PLEKHA2: variants seen among roughly 807,000 people sequenced by gnomAD.
The protein encoded by PLEKHA2 is pleckstrin homology domain containing A2, also known as pleckstrin homology domain-containing family A member 2.
In PLEKHA2, 28 loss-of-function variants were observed where a neutral mutation model predicts 53.2. That is an observed-to-expected ratio of 0.53 (90% CI 0.39 to 0.72). PLEKHA2 has a LOEUF of 0.72. Ranked by LOEUF, PLEKHA2 falls within the 30% of genes least tolerant of loss-of-function variation. The pLI is 0.00. For synonymous variants in PLEKHA2, 193 were observed against 196.4 expected, an observed-to-expected ratio of 0.98 and a Z score of 0.14; for missense variants, 426 against 537.9, an observed-to-expected ratio of 0.79 and a Z score of 2.06.
At chr8:38,929,597 C>A (rs1192454460) in intron 2 of PLEKHA2, among the ~76,000 whole-genome samples, 1 of 152,232 alleles carries the variant, frequency 6.6e-6, no homozygotes, top group Non-Finnish European at 1.5e-5. Flanking sequence ...TTAGTTTCTT[C>A]ATCTGTGAAA....
intron 1 of PLEKHA2, among the ~76,000 whole-genome samples, chr8:38,910,770 T>TATAACCTTC (rs1391693997): frequency 1.3e-5 from 2 of 152,214 alleles, no homozygotes; most frequent in African/African-American, 4.8e-5. Context: ...AAAAATTGGA[T>TATAACCTTC]ATAACCTTCA....
rs150722357 is a variant in PLEKHA2 at position 38,969,941 on chromosome 8, CTG to C, written c.*194_*195del. The stretch of plus-strand genomic sequence containing the variant: ...GGAGGGAGGGGCCCATCCAGCTGGG[CTG>C]TGTGTGTGTGTGTGTGTGTGTGTGT... On this transcript the variant is annotated 3_prime_UTR_variant, in exon 12 of 12. Transcript: ENST00000617275. 0.1 allele frequency: 68,275 copies of C among 683,756 alleles called. 227 individuals are homozygous for C. Among genetic ancestry groups the C allele is most frequent in the South Asian group, 0.14 (6,454 of 46,916 alleles). The allele number at this position is 683,756 out of a possible 1,614,324, so 42.4% of individuals were successfully genotyped here.
chr8:38,912,146 C>G (rs753293564), intron 1 of PLEKHA2, among the ~76,000 whole-genome samples: 2 of 151,992 alleles, frequency 1.3e-5, no homozygotes, highest in Non-Finnish European at 2.9e-5. Flanking sequence ...ACTAAAAATA[C>G]AAAAATTAGC....
rs541145352 is a variant in PLEKHA2, at chr8:38,969,644, C to T, written c.1139C>T (p.Thr380Met). 7.8e-5 allele frequency: 124 copies of T among 1,599,552 alleles called. No individual in the cohort carries two copies. The South Asian group carries it at 9.8e-4, about 13-fold the overall frequency. Residue 380 changes from threonine (T) to methionine (M), a missense_variant, in exon 12 of 12, where the codon ACG (threonine) becomes ATG (methionine). Thr to Met is a moderately conservative substitution (Grantham distance 81). Coordinates refer to ENST00000617275, the MANE Select transcript of PLEKHA2 (RefSeq NM_021623.2). Reference protein sequence around the residue: ...PGDTSEDSLFTPRPGEGSAPG... With the variant: ...PGDTSEDSLFMPRPGEGSAPG... ...GACACTTCAGAGGACTCCTTGTTCA[C>T]GCCTCGTCCTGGGGAGGGCAGCGCT...
At chr8:38,968,496 T>C in intron 10 of PLEKHA2, 96 bp from the exon 11 acceptor site, 1 of 1,161,060 alleles carries the variant, frequency 8.6e-7, no homozygotes, top group Non-Finnish European at 1.3e-6. Context: ...CTACCCCTAA[T>C]GGTGTAATTT....
intron 6 of PLEKHA2, 112 bp downstream of exon 6, chr8:38,951,102 G>A (rs558037682): frequency 9.1e-6 from 6 of 660,450 alleles, no homozygotes; most frequent in South Asian, 6.2e-5. Flanking sequence ...GGAGTGGGGG[G>A]CAGCTGGTGC....
At chr8:38,964,205 A>G (rs1326359333) in intron 10 of PLEKHA2, among the ~76,000 whole-genome samples, 4 of 152,196 alleles carry the variant, frequency 2.6e-5, no homozygotes, top group Admixed American at 2.6e-4. Flanking sequence ...GAGTAGCAGC[A>G]TTATTCATAT....
At position 38,916,035 on chromosome 8, in the gene PLEKHA2, G is replaced by A. The variant is rs370909797; in HGVS notation, c.-23-1872G>A. Among the ~76,000 whole-genome samples, 4 of 152,230 alleles carry A rather than the reference G, an allele frequency of 2.6e-5. No individual in the cohort carries two copies. In the South Asian group the frequency reaches 8.3e-4, roughly 32 times the overall value. On this transcript the variant is annotated intron_variant, in intron 1 of 11. Coordinates refer to ENST00000617275, the MANE Select transcript of PLEKHA2 (RefSeq NM_021623.2). ...TTGTTGCCCAGGCTGGAGTGCAATG[G>A]TGTGATCTCGTCTCACTATAACCTC...
intron 2 of PLEKHA2, among the ~76,000 whole-genome samples, chr8:38,921,268 T>TTAG (rs1251955783): frequency 6.6e-6 from 1 of 152,242 alleles, no homozygotes; most frequent in Non-Finnish European, 1.5e-5. Flanking sequence ...ACCTGCTGTG[T>TTAG]TAGTGCAAGT....
intron 8 of PLEKHA2, 64 bp downstream of exon 8, chr8:38,952,768 C>T: frequency 2.0e-6 from 3 of 1,500,308 alleles, no homozygotes; most frequent in South Asian, 2.3e-5. Context: ...TAGGTGCACA[C>T]CCACAGGAGA....
intron 10 of PLEKHA2, among the ~76,000 whole-genome samples, chr8:38,962,794 G>A (rs866271692): frequency 6.6e-6 from 1 of 152,248 alleles, no homozygotes; most frequent in Non-Finnish European, 1.5e-5. Context: ...CAGGACAAGA[G>A]TAGCAATAAG....
chr8:38,923,645 T>G (rs1834232666), intron 2 of PLEKHA2, among the ~76,000 whole-genome samples: 1 of 152,202 alleles, frequency 6.6e-6, no homozygotes, highest in Admixed American at 6.5e-5. Context: ...TGTGGCTACT[T>G]CAGTGAACAA....
Position 38,954,527 on chromosome 8 carries a change from ACT to A in PLEKHA2, c.773+1165_773+1166del, listed in dbSNP as rs1340098100. Among the ~76,000 whole-genome samples, 27 of 152,112 alleles carry A rather than the reference ACT, an allele frequency of 1.8e-4. 1 individual carries two copies. The highest frequency in any genetic ancestry group is 2.6e-4 in the Admixed American group (4 of 15,270). ...CTAAGAATGCCTTGAACTTTCTCTA[ACT>A]CTCTAACTCTGCCAGAGTCACACTA... is the stretch of plus-strand genomic sequence containing the variant. On this transcript the variant is annotated intron_variant, in intron 9 of 11. Transcript: ENST00000617275.
chr8:38,901,440 G>GC lies in PLEKHA2; in HGVS notation c.-29_-28insC, dbSNP rs1421493063. The GC allele has an allele frequency of 8.9e-4, 3 of 3,360 alleles. No homozygotes were observed. In the Non-Finnish European group the frequency reaches 0.014, roughly 16 times the overall value. 0.2% of individuals were successfully genotyped at this position (3,360 alleles called of 1,614,324 possible). A position where few individuals can be genotyped will look rare whatever the true frequency, so the allele number is the denominator to read the frequency against. ...CCCGCCCGAGCCCCGGCCCCTGCAC[G>GC]GGGGGGTAAGTTGGGCGCCCTCGCG... On this transcript the variant is annotated 5_prime_UTR_variant, in exon 1 of 12. Coordinates refer to ENST00000617275, the MANE Select transcript of PLEKHA2 (RefSeq NM_021623.2).
intron 3 of PLEKHA2, among the ~76,000 whole-genome samples, chr8:38,938,497 A>C (rs1489690485): frequency 6.6e-6 from 1 of 152,214 alleles, no homozygotes. Flanking sequence ...TCTTCCGGCC[A>C]TGGGCAGACA....
Position 38,969,563 on chromosome 8 carries a change from C to G in PLEKHA2, c.1058C>G (p.Ser353Cys). ...ALCKAPSVAS[S>C]WQPWTPVPQA... The stretch of plus-strand genomic sequence containing the variant: ...TGCAAAGCCCCCTCTGTGGCCTCCT[C>G]CTGGCAGCCCTGGACACCTGTCCCC... The change falls in exon 12 of 12, where the codon TCC becomes TGC. Residue 353 changes from serine to cysteine, a missense_variant. Transcript: ENST00000617275. The G allele has an allele frequency of 1.9e-6, 3 of 1,611,350 alleles. No individual in the cohort carries two copies. Among genetic ancestry groups the G allele is most frequent in the Non-Finnish European group, 2.5e-6 (3 of 1,178,678 alleles).
intron 10 of PLEKHA2, among the ~76,000 whole-genome samples, chr8:38,966,145 C>T (rs950666792): frequency 1.3e-5 from 2 of 152,114 alleles, no homozygotes; most frequent in African/African-American, 4.8e-5. Context: ...CCTTTTTGCC[C>T]TCGTGCACCA....
intron 5 of PLEKHA2, among the ~76,000 whole-genome samples, chr8:38,949,470 C>T (rs899545205): frequency 2.0e-5 from 3 of 152,046 alleles, no homozygotes; most frequent in African/African-American, 7.3e-5. Context: ...TGAAATATCC[C>T]AAAACTTAGA....
intron 3 of PLEKHA2, among the ~76,000 whole-genome samples, chr8:38,940,651 G>T (rs1400681929): frequency 1.6e-4 from 2 of 12,304 alleles, no homozygotes; most frequent in African/African-American, 2.8e-4. Context: ...TTGAAGGGGC[G>T]GGGGGGGGGG....
Sources: gnomAD v4.1 joint callset for allele counts (sites outside exome capture counted in the v4.1 genomes callset) on GRCh38, gnomAD v4.1.1 for gene constraint, MANE v1.5 for transcripts, NCBI Gene and HGNC (gene_info 2026-07-23, HGNC 2026-07-21) for gene names.